Variants in RAP1GDS1 observed in about 807,000 individuals in gnomAD.
The protein encoded by RAP1GDS1 is Rap1 GTPase-GDP dissociation stimulator 1.
Under a neutral mutation model 71.1 loss-of-function variants are expected in RAP1GDS1, and 35 were observed. The observed-to-expected ratio is 0.49, with a 90% confidence interval of 0.38 to 0.65. RAP1GDS1 has a LOEUF of 0.65. Ranked by LOEUF, RAP1GDS1 falls within the 30% of genes least tolerant of loss-of-function variation. The pLI, the probability that RAP1GDS1 is intolerant of heterozygous loss-of-function variation, is 0.00. For missense variants in RAP1GDS1, 663 were observed against 706.1 expected, an observed-to-expected ratio of 0.94 and a Z score of 0.69; for synonymous variants, 229 against 243.1, an observed-to-expected ratio of 0.94 and a Z score of 0.54.
intron 2 of RAP1GDS1, among the ~76,000 whole-genome samples, chr4:98,298,564 C>A (rs1728123649): frequency 6.6e-6 from 1 of 152,134 alleles, no homozygotes; most frequent in Admixed American, 6.5e-5. Flanking sequence ...GACAGCACAT[C>A]TATTTACAGC....
chr4:98,369,932 A>G (rs1740111139), intron 4 of RAP1GDS1, among the ~76,000 whole-genome samples: 1 of 152,200 alleles, frequency 6.6e-6, no homozygotes, highest in South Asian at 2.1e-4. Flanking sequence ...TTTTATATAC[A>G]TGTTAAATTG....
chr4:98,442,610 G>A lies in RAP1GDS1; in HGVS notation c.*493G>A, dbSNP rs574362748. 109 of 228,116 alleles carry A rather than the reference G, an allele frequency of 4.8e-4. No individual in the cohort carries two copies. The highest frequency in any genetic ancestry group is 7.4e-4 in the Admixed American group (13 of 17,608). 14.1% of individuals were successfully genotyped at this position (228,116 alleles called of 1,614,324 possible). ...TGCTTATTCATTAGTCTTTCCTACT[G>A]ATGTCAAATCCATGGTACCTAGAGT... is the stretch of plus-strand genomic sequence containing the variant. On this transcript the variant is annotated 3_prime_UTR_variant, in exon 15 of 15. Transcript: ENST00000408927.
At chr4:98,392,631 G>T (rs569216967) in intron 6 of RAP1GDS1, among the ~76,000 whole-genome samples, 1 of 152,240 alleles carries the variant, frequency 6.6e-6, no homozygotes, top group East Asian at 1.9e-4. Flanking sequence ...AGCCCAGGAG[G>T]CAGAGGTTGC....
chr4:98,281,139 C>G (rs1313207541), intron 1 of RAP1GDS1, among the ~76,000 whole-genome samples: 1 of 151,328 alleles, frequency 6.6e-6, no homozygotes, highest in East Asian at 1.9e-4. Context: ...TTTTCCAATT[C>G]TGTGAAGAAA....
intron 1 of RAP1GDS1, 94 bp downstream of exon 1, chr4:98,261,663 A>C (rs1242545640): frequency 6.9e-7 from 1 of 1,439,324 alleles, no homozygotes; most frequent in East Asian, 2.5e-5. Flanking sequence ...AAGTTGCCGG[A>C]TTTCTCCAGT....
chr4:98,434,619 CTTTTTTT>C (rs557173513), intron 13 of RAP1GDS1, among the ~76,000 whole-genome samples: 1 of 134,456 alleles, frequency 7.4e-6, no homozygotes, highest in Non-Finnish European at 1.6e-5. Context: ...TTTAACATAG[CTTTTTTT>C]TTTTTTTTTT....
chr4:98,381,441 C>A (rs530895204), intron 5 of RAP1GDS1, among the ~76,000 whole-genome samples: 1 of 151,374 alleles, frequency 6.6e-6, no homozygotes, highest in Non-Finnish European at 1.5e-5. Context: ...ATTATTAAAG[C>A]GTCTTTATTG....
chr4:98,377,108 T>TA (rs1476037045), intron 4 of RAP1GDS1, among the ~76,000 whole-genome samples: 7 of 151,942 alleles, frequency 4.6e-5, no homozygotes. Flanking sequence ...AATATATGAA[T>TA]ACAAGGCTTA....
At position 98,437,037 on chromosome 4, in the gene RAP1GDS1, C is replaced by A; in HGVS notation, c.1665C>A (p.Ser555=). ...ERSAPEIKYN[S]MVLICALMGS... ...GTGCTCCTGAAATCAAATATAATTCCATGGTCCTGATATGTGCTCTTATGG... is the reference window on the plus strand; with the variant it reads ...GTGCTCCTGAAATCAAATATAATTCAATGGTCCTGATATGTGCTCTTATGG... The change falls in exon 14 of 15, where the codon TCC becomes TCA. Residue 555 remains serine (S), a synonymous_variant. Transcript: ENST00000408927. 1 of 1,612,232 alleles carries A rather than the reference C, an allele frequency of 6.2e-7. No homozygotes were observed. Among genetic ancestry groups the A allele is most frequent in the Non-Finnish European group, 8.5e-7 (1 of 1,179,532 alleles).
At chr4:98,303,627 A>AATATAAT (rs1553965661) in intron 2 of RAP1GDS1, among the ~76,000 whole-genome samples, 1 of 141,332 alleles carries the variant, frequency 7.1e-6, no homozygotes, top group African/African-American at 2.6e-5. Flanking sequence ...GTAAATTAAT[A>AATATAAT]ATAATATAAT....
intron 4 of RAP1GDS1, among the ~76,000 whole-genome samples, chr4:98,377,755 A>T (rs1351916561): frequency 6.6e-6 from 1 of 151,772 alleles, no homozygotes; most frequent in Non-Finnish European, 1.5e-5. Flanking sequence ...GGAAAATGAA[A>T]ATCTTTCAAA....
At chr4:98,348,301 G>A (rs890813954) in intron 3 of RAP1GDS1, among the ~76,000 whole-genome samples, 12 of 151,960 alleles carry the variant, frequency 7.9e-5, no homozygotes, top group African/African-American at 7.2e-5. Flanking sequence ...GAACTCATTC[G>A]TTTTTTATGG....
chr4:98,310,180 T>A (rs1451768846), intron 2 of RAP1GDS1, among the ~76,000 whole-genome samples: 1 of 152,144 alleles, frequency 6.6e-6, no homozygotes. Context: ...CAGGTCTCAT[T>A]CATTCATTTA....
chr4:98,346,525 T>C (rs1416849522), intron 3 of RAP1GDS1, among the ~76,000 whole-genome samples: 1 of 152,090 alleles, frequency 6.6e-6, no homozygotes, highest in Non-Finnish European at 1.5e-5. Flanking sequence ...TGTTGGAAGC[T>C]TAACCTCCGT....
intron 5 of RAP1GDS1, among the ~76,000 whole-genome samples, chr4:98,382,500 A>AT (rs923643314): frequency 8.0e-5 from 12 of 150,480 alleles, no homozygotes; most frequent in Admixed American, 1.3e-4. Flanking sequence ...TGAACTTGCT[A>AT]TTTTTTTTTC....
chr4:98,392,347 A>T, intron 6 of RAP1GDS1: 1 of 257,184 alleles, frequency 3.9e-6, no homozygotes, highest in Non-Finnish European at 7.3e-6. Context: ...AACAGAGTTG[A>T]ATATTTACAC....
rs1736977744 is a variant in RAP1GDS1, at chr4:98,350,305, G to T, written c.236-2171G>T. 1.3e-5 allele frequency among the ~76,000 whole-genome samples: 2 copies of T among 152,164 alleles called. 1 individual carries two copies. Among genetic ancestry groups the T allele is most frequent in the South Asian group, 4.1e-4 (2 of 4,830 alleles). On this transcript the variant is annotated intron_variant, in intron 3 of 14. Coordinates refer to ENST00000408927, the MANE Select transcript of RAP1GDS1 (RefSeq NM_001100427.2). ...AAATCAGACCGTTCCTAAATTTCTT[G>T]TTTTAGTAGTCAATGAAATCATCTT... is the stretch of plus-strand genomic sequence containing the variant.
At chr4:98,333,274 A>G (rs551679739) in intron 2 of RAP1GDS1, among the ~76,000 whole-genome samples, 1 of 152,004 alleles carries the variant, frequency 6.6e-6, no homozygotes, top group Admixed American at 6.6e-5. Flanking sequence ...TCGAAAACAC[A>G]TTTTTGTGTA....
chr4:98,384,947 G>A (rs1742523723), intron 5 of RAP1GDS1, among the ~76,000 whole-genome samples: 1 of 151,584 alleles, frequency 6.6e-6, no homozygotes, highest in Admixed American at 6.6e-5. Flanking sequence ...ACTTAGTTGA[G>A]GGCAGTGAAA....
Sources: allele counts gnomAD v4.1 joint callset (sites outside exome capture counted in the v4.1 genomes callset), GRCh38; gene constraint gnomAD v4.1.1; transcripts MANE v1.5; gene names NCBI Gene and HGNC (gene_info 2026-07-23, HGNC 2026-07-21).